STX12: variants seen among roughly 807,000 people sequenced by gnomAD.
STX12 encodes the protein syntaxin 12, also known as syntaxin-12.
A neutral mutation model predicts 42.2 loss-of-function variants in STX12; 17 were observed. The ratio of observed to expected loss-of-function variants is 0.40; its 90% CI spans 0.28 to 0.60. STX12 has a LOEUF of 0.60. Ranked by LOEUF, STX12 falls within the 20% of genes least tolerant of loss-of-function variation. The pLI, the probability that STX12 is intolerant of heterozygous loss-of-function variation, is 0.39. For synonymous variants in STX12, 108 were observed against 116.7 expected, an observed-to-expected ratio of 0.93 and a Z score of 0.48; for missense variants, 297 against 330.9, an observed-to-expected ratio of 0.90 and a Z score of 0.79.
intron 8 of STX12, among the ~76,000 whole-genome samples, chr1:27,821,220 G>A (rs1253721563): frequency 1.3e-5 from 2 of 151,726 alleles, no homozygotes; most frequent in African/African-American, 2.4e-5. Flanking sequence ...GTGTTCCTGG[G>A]ATAGCTGTAT....
At chr1:27,801,566 T>C (rs2088828758) in intron 3 of STX12, 112 bp from the exon 4 acceptor site, 1 of 1,139,570 alleles carries the variant, frequency 8.8e-7, no homozygotes, top group Non-Finnish European at 1.1e-6. Context: ...TATTTCATAA[T>C]AATTTTCCTA....
Position 27,819,786 on chromosome 1 carries a change from CAG to C in STX12, c.732+57_732+58del. The C allele has an allele frequency of 2.0e-6, 3 of 1,494,216 alleles. 1 individual carries two copies. The highest frequency in any genetic ancestry group is 2.8e-6 in the Non-Finnish European group (3 of 1,079,248). The allele number at this position is 1,494,216 out of a possible 1,614,324, so 92.6% of individuals were successfully genotyped here. On this transcript the variant is annotated intron_variant, in intron 8 of 8. Coordinates refer to ENST00000373943, the MANE Select transcript of STX12 (RefSeq NM_177424.3). ...CTGTGTTGCAGACTTTTTAGGCCAT[CAG>C]AGTACATTGACATATTGAGAACAGC...
At position 27,812,264 on chromosome 1, in the gene STX12, TGGA is replaced by T; in HGVS notation, c.575_576+1del. 1.3e-6 allele frequency: 2 copies of T among 1,554,560 alleles called. No individual in the cohort carries two copies. Among genetic ancestry groups the T allele is most frequent in the Non-Finnish European group, 1.7e-6 (2 of 1,148,590 alleles). On this transcript the variant is annotated inframe_deletion and splice_region_variant, in exon 6 of 9. Transcript: ENST00000373943. The stretch of plus-strand genomic sequence containing the variant: ...GAAAGAGAAACGGCAATTCGGCAGC[TGGA>T]GGTGAGAGCCACGTCATGTTTTTTG...
At chr1:27,793,840 G>A (rs1263658289) in intron 3 of STX12, among the ~76,000 whole-genome samples, 8 of 152,006 alleles carry the variant, frequency 5.3e-5, no homozygotes, top group African/African-American at 1.2e-4. Flanking sequence ...AAGTGTCTGC[G>A]TCTGGTAGGT....
At chr1:27,806,476 G>A (rs904340001) in intron 4 of STX12, among the ~76,000 whole-genome samples, 2 of 152,160 alleles carry the variant, frequency 1.3e-5, no homozygotes, top group Non-Finnish European at 2.9e-5. Context: ...ATTTCTTTAT[G>A]CAGCAGAAGT....
chr1:27,793,906 G>T (rs1250367154), intron 3 of STX12, among the ~76,000 whole-genome samples: 5 of 151,864 alleles, frequency 3.3e-5, no homozygotes, highest in African/African-American at 9.7e-5. Context: ...TTAATAAAAT[G>T]GAGTTAACTG....
chr1:27,780,058 T>C (rs1557797618), intron 1 of STX12, among the ~76,000 whole-genome samples: 1 of 152,076 alleles, frequency 6.6e-6, no homozygotes, highest in Non-Finnish European at 1.5e-5. Context: ...CCCAAAGTGC[T>C]GGGATTACAA....
intron 8 of STX12, among the ~76,000 whole-genome samples, chr1:27,821,786 G>A (rs1261112265): frequency 6.6e-6 from 1 of 152,170 alleles, no homozygotes; most frequent in Non-Finnish European, 1.5e-5. Flanking sequence ...GGAAGCCGAG[G>A]CAGGTAGATC....
chr1:27,795,326 G>GA (rs2148601436), intron 3 of STX12, among the ~76,000 whole-genome samples: 1 of 150,816 alleles, frequency 6.6e-6, no homozygotes, highest in South Asian at 2.1e-4. Flanking sequence ...TTTAATTTGA[G>GA]ACAGAGTCTT....
At chr1:27,774,526 A>C (rs1277111233) in intron 1 of STX12, among the ~76,000 whole-genome samples, 2 of 151,976 alleles carry the variant, frequency 1.3e-5, no homozygotes, top group Non-Finnish European at 2.9e-5. Context: ...AACTTTTAAA[A>C]ATTTTTCTTT....
chr1:27,822,196 T>C, intron 8 of STX12, 35 bp from the exon 9 acceptor site: 1 of 1,306,128 alleles, frequency 7.7e-7, no homozygotes, highest in South Asian at 1.2e-5. Context: ...TTTACTTGTT[T>C]CATGAGTATC....
intron 4 of STX12, among the ~76,000 whole-genome samples, chr1:27,809,493 C>T (rs1313292125): frequency 2.3e-5 from 3 of 130,786 alleles, no homozygotes; most frequent in African/African-American, 9.1e-5. Flanking sequence ...TGGAGTCTTG[C>T]TCTGTTGTCC....
chr1:27,818,487 T>A (rs1162550820), intron 7 of STX12, among the ~76,000 whole-genome samples: 1 of 152,222 alleles, frequency 6.6e-6, no homozygotes, highest in Non-Finnish European at 1.5e-5. Context: ...GTAGCAATTT[T>A]TTTATGTTAT....
chr1:27,792,942 T>C (rs539123127), intron 2 of STX12, among the ~76,000 whole-genome samples: 3 of 152,200 alleles, frequency 2.0e-5, no homozygotes, highest in Non-Finnish European at 2.9e-5. Context: ...TTTTAACAGG[T>C]AAGGCTTCTT....
intron 1 of STX12, among the ~76,000 whole-genome samples, chr1:27,777,035 A>G (rs2088632394): frequency 6.6e-6 from 1 of 152,236 alleles, no homozygotes; most frequent in African/African-American, 2.4e-5. Context: ...GGGGTGAAGC[A>G]GAACAAGAGA....
chr1:27,816,521 G>A (rs1480521211), intron 6 of STX12, among the ~76,000 whole-genome samples: 3 of 151,016 alleles, frequency 2.0e-5, no homozygotes, highest in South Asian at 4.2e-4. Flanking sequence ...AAGAAGGGAC[G>A]GAGGCTGGGC....
chr1:27,803,916 G>A (rs12088325), intron 4 of STX12, among the ~76,000 whole-genome samples: 13,574 of 151,192 alleles, frequency 0.09, 2,019 homozygotes, highest in African/African-American at 0.31. Context: ...CAGGAGAATC[G>A]CTTGAACCAG....
intron 3 of STX12, among the ~76,000 whole-genome samples, chr1:27,800,401 C>G (rs993759727): frequency 1.3e-5 from 2 of 151,428 alleles, no homozygotes; most frequent in Admixed American, 6.6e-5. Context: ...CTGTCTATAT[C>G]CTTTATTTAC....
chr1:27,809,623 A>C (rs959230227), intron 4 of STX12, among the ~76,000 whole-genome samples: 1 of 151,282 alleles, frequency 6.6e-6, no homozygotes, highest in Non-Finnish European at 1.5e-5. Flanking sequence ...CGTCCAGCTA[A>C]TTTTTTTTGT....
Sources: gnomAD v4.1 joint callset for allele counts (sites outside exome capture counted in the v4.1 genomes callset) on GRCh38, gnomAD v4.1.1 for gene constraint, MANE v1.5 for transcripts, NCBI Gene and HGNC (gene_info 2026-07-23, HGNC 2026-07-21) for gene names.